The following PARP11 variants were observed in gnomAD, a reference collection of about 807,000 sequenced individuals.
PARP11 encodes the protein protein mono-ADP-ribosyltransferase PARP11.
A neutral mutation model predicts 42.9 loss-of-function variants in PARP11; 31 were observed. That is an observed-to-expected ratio of 0.72 (90% CI 0.54 to 0.98). The LOEUF (loss-of-function observed/expected upper bound fraction) is 0.98, where lower values mean the gene tolerates loss of function less well. Among genes scored for constraint, PARP11 ranks in the 50% least tolerant of loss-of-function variants. The pLI, the probability that PARP11 is intolerant of heterozygous loss-of-function variation, is 0.00. For synonymous variants in PARP11, 137 were observed against 127.3 expected (o/e 1.08, Z -0.51); for missense variants, 365 against 413.1 (o/e 0.88, Z 1.01).
chr12:3,835,800 G>T (rs918626997), intron 1 of PARP11, among the ~76,000 whole-genome samples: 28 of 152,044 alleles, frequency 1.8e-4, no homozygotes, highest in African/African-American at 6.3e-4. Context: ...GAAAATATCA[G>T]CAAACTTGAA....
At chr12:3,872,042 G>A (rs1196609923) in intron 1 of PARP11, 1 of 152,098 alleles carries the variant, frequency 6.6e-6, no homozygotes, top group East Asian at 1.9e-4. Context: ...TTGTCTATAG[G>A]AACTGGCCAT....
At chr12:3,820,201 T>C (rs891064618) in intron 6 of PARP11, among the ~76,000 whole-genome samples, 2 of 152,216 alleles carry the variant, frequency 1.3e-5, no homozygotes, top group Admixed American at 1.3e-4. Flanking sequence ...AAGTAGGTAC[T>C]AAGACATTTT....
intron 1 of PARP11, among the ~76,000 whole-genome samples, chr12:3,830,904 A>C (rs1947625782): frequency 6.6e-6 from 1 of 152,198 alleles, no homozygotes. Flanking sequence ...TGATTTCATA[A>C]TTTTAGCTAT....
chr12:3,872,660 C>T, intron 1 of PARP11: 1 of 985,302 alleles, frequency 1.0e-6, no homozygotes, highest in South Asian at 4.7e-5. Flanking sequence ...CTGATGGCTC[C>T]TCTTAGGCCC....
intron 1 of PARP11, among the ~76,000 whole-genome samples, chr12:3,869,190 T>C (rs1290535369): frequency 6.6e-6 from 1 of 152,216 alleles, no homozygotes; most frequent in African/African-American, 2.4e-5. Flanking sequence ...TCTCTTTATC[T>C]TAAGGTCAGC....
At chr12:3,838,928 C>A (rs1203759484) in intron 1 of PARP11, among the ~76,000 whole-genome samples, 1 of 152,148 alleles carries the variant, frequency 6.6e-6, no homozygotes, top group Non-Finnish European at 1.5e-5. Flanking sequence ...CGCTTCACAC[C>A]GGTACAGACG....
At chr12:3,849,789 T>C (rs946771967) in intron 1 of PARP11, among the ~76,000 whole-genome samples, 2 of 152,202 alleles carry the variant, frequency 1.3e-5, no homozygotes, top group African/African-American at 2.4e-5. Flanking sequence ...CAATAATCTA[T>C]TGTACATTTC....
chr12:3,839,523 G>T lies in PARP11; in HGVS notation c.19-9505C>A, dbSNP rs1160432495. 3.8e-6 allele frequency: 6 copies of T among 1,593,312 alleles called. No homozygotes were observed. The African/African-American group carries it at 6.7e-5, about 18-fold the overall frequency. ...TGGCCTGTATTCACTGTCTTCGAGA[G>T]AACAGAGAGAAATTTGAAGCGATTA... is the stretch of plus-strand genomic sequence containing the variant. On this transcript the variant is annotated intron_variant, in intron 1 of 7. Coordinates refer to ENST00000228820, the MANE Select transcript of PARP11 (RefSeq NM_020367.6).
At chr12:3,872,447 A>C (rs1456834944) in intron 1 of PARP11, 1 of 914,456 alleles carries the variant, frequency 1.1e-6, no homozygotes, top group Non-Finnish European at 1.3e-6. Context: ...CCTACGTTGC[A>C]CTTTAAATAA....
At chr12:3,813,284 T>A (rs2138005322) in intron 7 of PARP11, among the ~76,000 whole-genome samples, 1 of 152,358 alleles carries the variant, frequency 6.6e-6, no homozygotes, top group South Asian at 2.1e-4. Flanking sequence ...AATTCAGTAA[T>A]ATTTCTGGAA....
intron 1 of PARP11, among the ~76,000 whole-genome samples, chr12:3,832,555 T>C (rs1040342619): frequency 1.3e-5 from 2 of 152,318 alleles, no homozygotes; most frequent in African/African-American, 4.8e-5. Flanking sequence ...TGGGTTTCTT[T>C]AAAAAGATGC....
intron 6 of PARP11, among the ~76,000 whole-genome samples, chr12:3,816,204 TA>T (rs35109385): frequency 0.1 from 15,400 of 152,222 alleles, 1,110 homozygotes; most frequent in Admixed American, 0.22. Context: ...TTTTTTAAAT[TA>T]AAAAAAGAAG....
chr12:3,855,987 A>G (rs1948182915), intron 1 of PARP11, among the ~76,000 whole-genome samples: 1 of 152,188 alleles, frequency 6.6e-6, no homozygotes, highest in Admixed American at 6.5e-5. Context: ...ACACATCTAC[A>G]ACCACCTGAT....
intron 4 of PARP11, among the ~76,000 whole-genome samples, chr12:3,825,893 AT>A (rs531588015): frequency 6.6e-6 from 1 of 151,466 alleles, no homozygotes; most frequent in Middle Eastern, 3.2e-3. Context: ...CATCCAGCTA[AT>A]TTTTTTTGTA....
chr12:3,871,565 G>A (rs1948480071), intron 1 of PARP11, among the ~76,000 whole-genome samples: 1 of 152,098 alleles, frequency 6.6e-6, no homozygotes, highest in South Asian at 2.1e-4. Flanking sequence ...AAATCACCCA[G>A]CAATGAACTT....
intron 1 of PARP11, chr12:3,839,435 G>A (rs562885505): frequency 5.4e-5 from 86 of 1,602,934 alleles, no homozygotes; most frequent in Admixed American, 6.8e-5. Context: ...GACGGGTCGT[G>A]CCTGTTCCGG....
chr12:3,828,873 T>A (rs749660542), intron 3 of PARP11, 37 bp downstream of exon 3: 9 of 1,586,396 alleles, frequency 5.7e-6, no homozygotes, highest in Non-Finnish European at 7.8e-6. Context: ...CATATCAATA[T>A]ACTAAAAACA....
intron 3 of PARP11, among the ~76,000 whole-genome samples, chr12:3,827,115 C>T (rs1355174711): frequency 6.6e-6 from 1 of 152,222 alleles, no homozygotes; most frequent in African/African-American, 2.4e-5. Context: ...GTGATGCCAT[C>T]TTCTTGGACC....
chr12:3,817,451 A>G (rs112453775), intron 6 of PARP11, among the ~76,000 whole-genome samples: 1,847 of 152,010 alleles, frequency 0.012, 44 homozygotes, highest in African/African-American at 0.042. Flanking sequence ...AGTGCCCACT[A>G]CTCCCACTAC....
Sources: gnomAD v4.1 joint callset for allele counts (sites outside exome capture counted in the v4.1 genomes callset) on GRCh38, gnomAD v4.1.1 for gene constraint, MANE v1.5 for transcripts, NCBI Gene and HGNC (gene_info 2026-07-23, HGNC 2026-07-21) for gene names.